The following FAM186A variants were observed in gnomAD, a reference collection of about 807,000 sequenced individuals.
FAM186A encodes family with sequence similarity 186 member A.
FAM186A carries 163 observed loss-of-function variants against 216.8 expected under a neutral mutation model. The observed-to-expected ratio is 0.75, with a 90% CI of 0.66 to 0.86. FAM186A has a LOEUF of 0.86. Ranked by LOEUF, FAM186A falls within the 40% of genes least tolerant of loss-of-function variation. FAM186A has a pLI of 0.00. For missense variants in FAM186A, 2,184 were observed against 2,746.2 expected (o/e 0.80, Z 4.58); for synonymous variants, 805 against 1,025.3 (o/e 0.79, Z 4.10).
At chr12:50,374,780 C>CAA (rs769691600) in intron 1 of FAM186A, among the ~76,000 whole-genome samples, 105 of 152,170 alleles carry the variant, frequency 6.9e-4, no homozygotes, top group Non-Finnish European at 1.2e-3. Context: ...CTAACCAATT[C>CAA]AATAAGGTCA....
chr12:50,348,468 C>A (rs1942843108), intron 4 of FAM186A, among the ~76,000 whole-genome samples: 1 of 152,050 alleles, frequency 6.6e-6, no homozygotes, highest in Non-Finnish European at 1.5e-5. Flanking sequence ...AGTAACCCAC[C>A]TGCCTTGGCA....
At chr12:50,359,924 T>G (rs1425889163) in intron 3 of FAM186A, among the ~76,000 whole-genome samples, 2 of 152,072 alleles carry the variant, frequency 1.3e-5, no homozygotes, top group East Asian at 1.9e-4. Flanking sequence ...GAGGGATCTT[T>G]TCGGGATAAT....
intron 2 of FAM186A, among the ~76,000 whole-genome samples, chr12:50,362,187 G>A (rs1457401747): frequency 6.6e-6 from 1 of 151,622 alleles, no homozygotes; most frequent in East Asian, 2.0e-4. Context: ...TGCCCAGGCT[G>A]GTCTTGAACT....
At position 50,352,370 on chromosome 12, in the gene FAM186A, C is replaced by T. The variant is rs1942902506; in HGVS notation, c.4462G>A (p.Ala1488Thr). The change falls in exon 4 of 8, where the codon GCT (alanine) becomes ACT (threonine). Residue 1488 changes from alanine to threonine, a missense_variant. Physicochemically the swap from Ala to Thr is moderately conservative, Grantham distance 58. This residue lies in a region of FAM186A where 3 missense variants were observed against 62.0 expected (regional missense o/e 0.05). Transcript: ENST00000327337. ...GTGAGAGGGATCCCCAATTCCTGAG[C>T]CTGCGGAGGGATGAGAGGGATCCCC... ...ALGIPLIPPQ[A>T]QELGIPLTPQ... 1 of 1,540,610 alleles carries T rather than the reference C, an allele frequency of 6.5e-7. No individual in the cohort carries two copies. Among genetic ancestry groups the T allele is most frequent in the African/African-American group, 1.4e-5 (1 of 69,494 alleles).
intron 1 of FAM186A, among the ~76,000 whole-genome samples, chr12:50,391,315 T>A (rs1197010613): frequency 6.6e-6 from 1 of 150,654 alleles, no homozygotes; most frequent in Non-Finnish European, 1.5e-5. Flanking sequence ...TTTTATTTTT[T>A]ATTTTTTATA....
At chr12:50,393,133 A>G (rs1943377318) in intron 1 of FAM186A, among the ~76,000 whole-genome samples, 1 of 151,460 alleles carries the variant, frequency 6.6e-6, no homozygotes, top group South Asian at 2.1e-4. Flanking sequence ...TCGCCGTGTT[A>G]GCGAGAATGG....
At chr12:50,373,187 A>T (rs2136102066) in intron 1 of FAM186A, among the ~76,000 whole-genome samples, 1 of 152,298 alleles carries the variant, frequency 6.6e-6, no homozygotes, top group South Asian at 2.1e-4. Flanking sequence ...TCACGAGGTC[A>T]GGAATTCAAG....
At chr12:50,358,977 GAT>G (rs1256492399) in intron 3 of FAM186A, among the ~76,000 whole-genome samples, 2 of 150,468 alleles carry the variant, frequency 1.3e-5, no homozygotes, top group African/African-American at 2.4e-5. Flanking sequence ...TACTTGAATA[GAT>G]ATTTCACCAA....
chr12:50,351,849 G>A lies in FAM186A; in HGVS notation c.4983C>T (p.Val1661=), dbSNP rs1942886048. 1 of 1,544,060 alleles carries A rather than the reference G, an allele frequency of 6.5e-7. No homozygotes were observed. Among genetic ancestry groups the A allele is most frequent in the Non-Finnish European group, 8.7e-7 (1 of 1,143,134 alleles). ...CGTGGGTTTGCTCAGAGGTAAGAGT[G>A]ACAGCTGACACCCAGGCATTTACTG... ...ITPVNAWVSA[V]TLTSEQTHAL... The change falls in exon 4 of 8, where the codon GTC becomes GTT. Residue 1661 remains valine (V), a synonymous_variant. Coordinates refer to ENST00000327337, the MANE Select transcript of FAM186A (RefSeq NM_001145475.3).
chr12:50,346,697 A>C (rs1942821945), intron 4 of FAM186A, among the ~76,000 whole-genome samples: 1 of 151,990 alleles, frequency 6.6e-6, no homozygotes, highest in African/African-American at 2.4e-5. Context: ...AATACAAAAA[A>C]TTAGCCAGGC....
At chr12:50,379,709 C>A (rs1943237043) in intron 1 of FAM186A, among the ~76,000 whole-genome samples, 1 of 151,884 alleles carries the variant, frequency 6.6e-6, no homozygotes, top group Non-Finnish European at 1.5e-5. Flanking sequence ...TCGCTTGAAC[C>A]CGGGAGGCAG....
At chr12:50,382,898 C>T (rs1179348910) in intron 1 of FAM186A, among the ~76,000 whole-genome samples, 1 of 151,982 alleles carries the variant, frequency 6.6e-6, no homozygotes, top group African/African-American at 2.4e-5. Flanking sequence ...TCTTTGATCC[C>T]TTTCTTTTAA....
chr12:50,395,951 C>T (rs531287917), intron 1 of FAM186A, among the ~76,000 whole-genome samples: 5 of 151,850 alleles, frequency 3.3e-5, no homozygotes, highest in Non-Finnish European at 7.4e-5. Flanking sequence ...TTAGTAGAAA[C>T]GGTGGTTTCT....
intron 1 of FAM186A, among the ~76,000 whole-genome samples, chr12:50,369,062 T>A (rs1474842847): frequency 6.6e-6 from 1 of 150,452 alleles, no homozygotes; most frequent in Non-Finnish European, 1.5e-5. Flanking sequence ...ATATAAAAAA[T>A]TAAACTCAAA....
At chr12:50,339,192 A>G (rs1942739264) in intron 4 of FAM186A, among the ~76,000 whole-genome samples, 2 of 150,358 alleles carry the variant, frequency 1.3e-5, no homozygotes, top group Non-Finnish European at 3.0e-5. Flanking sequence ...AATTTTTATA[A>G]TTTTTGTAGA....
intron 3 of FAM186A, among the ~76,000 whole-genome samples, chr12:50,356,493 G>T (rs1237601086): frequency 1.3e-5 from 2 of 151,962 alleles, no homozygotes; most frequent in Non-Finnish European, 2.9e-5. Context: ...TGTTTCCCAG[G>T]CTGGAGTGCA....
intron 4 of FAM186A, among the ~76,000 whole-genome samples, chr12:50,338,493 G>A (rs1304454555): frequency 6.6e-6 from 1 of 152,132 alleles, no homozygotes; most frequent in Non-Finnish European, 1.5e-5. Context: ...GAGCTACCAT[G>A]CCTGGCCTCA....
chr12:50,372,671 C>T (rs1195039864), intron 1 of FAM186A, among the ~76,000 whole-genome samples: 2 of 150,608 alleles, frequency 1.3e-5, no homozygotes, highest in Admixed American at 6.6e-5. Flanking sequence ...GAGGCCGAGG[C>T]GGGTGGATCA....
At chr12:50,374,655 C>T (rs1315115783) in intron 1 of FAM186A, among the ~76,000 whole-genome samples, 1 of 152,096 alleles carries the variant, frequency 6.6e-6, no homozygotes, top group Non-Finnish European at 1.5e-5. Flanking sequence ...ATTTCCTCAA[C>T]CTGATAAAGA....
Sources: allele counts gnomAD v4.1 joint callset (sites outside exome capture counted in the v4.1 genomes callset), GRCh38; gene constraint gnomAD v4.1.1; regional missense constraint gnomAD v4.1.1; transcripts MANE v1.5; gene names NCBI Gene and HGNC (gene_info 2026-07-23, HGNC 2026-07-21).